Variants in ARID5B observed in about 807,000 individuals in gnomAD.
ARID5B encodes AT-rich interaction domain 5B.
Under a neutral mutation model 97.2 loss-of-function variants are expected in ARID5B, and 13 were observed. The observed-to-expected ratio is 0.13, with a 90% CI of 0.09 to 0.21. The LOEUF (loss-of-function observed/expected upper bound fraction) is 0.21, where lower values mean the gene tolerates loss of function less well. Among genes scored for constraint, ARID5B ranks in the 10% least tolerant of loss-of-function variants. The pLI, the probability that ARID5B is intolerant of heterozygous loss-of-function variation, is 1.00. For synonymous variants in ARID5B, 556 were observed against 570.3 expected (o/e 0.97, Z 0.36); for missense variants, 1,210 against 1,465.3 (o/e 0.83, Z 2.84).
chr10:62,067,200 T>C (rs1314794982), intron 7 of ARID5B, among the ~76,000 whole-genome samples: 10 of 152,160 alleles, frequency 6.6e-5, no homozygotes, highest in Non-Finnish European at 1.3e-4. Flanking sequence ...TTCTCCTGCC[T>C]CAGCATCCCG....
intron 4 of ARID5B, among the ~76,000 whole-genome samples, chr10:62,021,426 A>G (rs948903603): frequency 1.3e-5 from 2 of 152,206 alleles, no homozygotes; most frequent in African/African-American, 4.8e-5. Context: ...GAAATATGGG[A>G]AAATTCTGTA....
intron 2 of ARID5B, among the ~76,000 whole-genome samples, chr10:61,905,446 T>G (rs1253235668): frequency 5.8e-5 from 5 of 85,956 alleles, no homozygotes; most frequent in Non-Finnish European, 1.0e-4. Flanking sequence ...TTGCAGAGGG[T>G]TTTTTTTTTT....
intron 8 of ARID5B, among the ~76,000 whole-genome samples, chr10:62,077,711 A>T (rs756689949): frequency 5.9e-5 from 9 of 152,210 alleles, no homozygotes; most frequent in Non-Finnish European, 1.0e-4. Context: ...TTGAGAATAG[A>T]TTAGGTGTCT....
intron 2 of ARID5B, among the ~76,000 whole-genome samples, chr10:61,935,919 C>G (rs1844291700): frequency 6.6e-6 from 1 of 152,130 alleles, no homozygotes; most frequent in African/African-American, 2.4e-5. Flanking sequence ...TCTGCATTCA[C>G]TCTGTTGTGA....
chr10:61,996,991 T>G (rs919880272), intron 3 of ARID5B, among the ~76,000 whole-genome samples: 4 of 152,042 alleles, frequency 2.6e-5, no homozygotes, highest in African/African-American at 9.7e-5. Flanking sequence ...CAAAGTTTAG[T>G]GTGCATGAGC....
chr10:62,087,336 T>C (rs1187153582), intron 9 of ARID5B, among the ~76,000 whole-genome samples: 2 of 135,240 alleles, frequency 1.5e-5, no homozygotes, highest in Non-Finnish European at 3.2e-5. Context: ...AGATCTTAAG[T>C]GCATATTATT....
chr10:61,911,803 G>A (rs1440040033), intron 2 of ARID5B, among the ~76,000 whole-genome samples: 2 of 152,114 alleles, frequency 1.3e-5, no homozygotes, highest in Admixed American at 1.3e-4. Context: ...AATGCCCTTC[G>A]CCCTTGGCTC....
chr10:61,906,769 C>T (rs1843715087), intron 2 of ARID5B, among the ~76,000 whole-genome samples: 1 of 152,148 alleles, frequency 6.6e-6, no homozygotes, highest in Non-Finnish European at 1.5e-5. Flanking sequence ...AGAGTTGGGT[C>T]CAGGAGTCTG....
In ARID5B at chr10:61,936,478, C is replaced by T. The variant is rs532640917; in HGVS notation, c.277-3705C>T. Among the ~76,000 whole-genome samples the T allele has an allele frequency of 1.2e-4, 19 of 152,200 alleles. No homozygotes were observed. The South Asian group carries it at 2.3e-3, about 18-fold the overall frequency. ...ACTAAAAGTACAAAGATTAGCCAGG[C>T]GTGATGGCAGGCACCTGTAATCCCA... On this transcript the variant is annotated intron_variant, in intron 2 of 9. Coordinates refer to ENST00000279873, the MANE Select transcript of ARID5B (RefSeq NM_032199.3).
intron 2 of ARID5B, among the ~76,000 whole-genome samples, chr10:61,913,832 A>T (rs555055893): frequency 1.1e-4 from 17 of 151,638 alleles, no homozygotes; most frequent in Non-Finnish European, 2.2e-4. Flanking sequence ...GCTCACCGCA[A>T]CCTCCGCCTC....
chr10:62,090,582 G>C (rs1840354747), intron 9 of ARID5B, among the ~76,000 whole-genome samples: 1 of 152,334 alleles, frequency 6.6e-6, no homozygotes, highest in South Asian at 2.1e-4. Context: ...GAATCAAGGA[G>C]TGATATGATT....
intron 3 of ARID5B, among the ~76,000 whole-genome samples, chr10:61,950,949 A>G (rs569446369): frequency 2.0e-5 from 3 of 152,308 alleles, no homozygotes; most frequent in East Asian, 3.9e-4. Flanking sequence ...GGGTTCTGTG[A>G]GCAGGTATCT....
At chr10:61,954,313 CGCCATTGCACTCTA>C (rs1343808027) in intron 3 of ARID5B, among the ~76,000 whole-genome samples, 2 of 151,762 alleles carry the variant, frequency 1.3e-5, no homozygotes, top group East Asian at 3.9e-4. Context: ...GCCAAGATTG[CGCCATTGCACTCTA>C]GCCTGGGCAA....
intron 2 of ARID5B, among the ~76,000 whole-genome samples, chr10:61,922,597 C>T (rs549291778): frequency 1.3e-4 from 20 of 152,082 alleles, no homozygotes; most frequent in South Asian, 4.2e-4. Context: ...AGTGAGACTC[C>T]GTCTCAAAAA....
intron 3 of ARID5B, among the ~76,000 whole-genome samples, chr10:61,969,225 A>G (rs1303788506): frequency 2.6e-5 from 4 of 152,238 alleles, no homozygotes; most frequent in Non-Finnish European, 5.9e-5. Context: ...TCATATTGGA[A>G]GATACGATTT....
chr10:61,954,087 G>A (rs1240531050), intron 3 of ARID5B, among the ~76,000 whole-genome samples: 2 of 152,084 alleles, frequency 1.3e-5, no homozygotes, highest in Non-Finnish European at 2.9e-5. Context: ...AGCCGGGCAC[G>A]GTGGCTCATG....
intron 3 of ARID5B, among the ~76,000 whole-genome samples, chr10:61,996,166 G>T (rs1300311144): frequency 6.6e-6 from 1 of 152,100 alleles, no homozygotes; most frequent in Admixed American, 6.6e-5. Flanking sequence ...TATCAATAAT[G>T]TTAAATCATT....
chr10:61,969,753 A>T (rs1039007808), intron 3 of ARID5B, among the ~76,000 whole-genome samples: 4 of 152,196 alleles, frequency 2.6e-5, no homozygotes, highest in Non-Finnish European at 5.9e-5. Context: ...TCTCACAATC[A>T]GAATAAATTG....
rs1172806271 is a variant in ARID5B, at chr10:62,000,047, G to A, written c.503-44G>A. 29 of 1,581,394 alleles carry A rather than the reference G, an allele frequency of 1.8e-5. No individual in the cohort carries two copies. The highest frequency in any genetic ancestry group is 2.5e-5 in the Non-Finnish European group (29 of 1,151,114). On this transcript the variant is annotated intron_variant, in intron 3 of 9. Transcript: ENST00000279873. The surrounding 1 kb of genome is among the most constrained non-coding windows in gnomAD (Gnocchi z 4.4). ...TATACCATGGCCATGAAAGTTCTTT[G>A]TCAGAGGGAAGAGGGTAATGGAAGT...
Sources: allele counts gnomAD v4.1 joint callset (sites outside exome capture counted in the v4.1 genomes callset), GRCh38; gene constraint gnomAD v4.1.1; non-coding constraint Gnocchi (gnomAD v3.1); transcripts MANE v1.5; gene names NCBI Gene and HGNC (gene_info 2026-07-23, HGNC 2026-07-21).